The following ZFR variants were observed in gnomAD, a reference collection of about 807,000 sequenced individuals.
The protein encoded by ZFR is zinc finger RNA-binding protein.
In ZFR, 19 loss-of-function variants were observed where a neutral mutation model predicts 130.7. That is an observed-to-expected ratio of 0.15 (90% CI 0.10 to 0.21). ZFR has a LOEUF of 0.21. Ranked by LOEUF, ZFR falls within the 10% of genes least tolerant of loss-of-function variation. The probability of loss-of-function intolerance (pLI) is 1.00; values close to 1 mark genes in which losing one functional copy is unlikely to be tolerated. For missense variants in ZFR, 872 were observed against 1,321.5 expected (o/e 0.66, Z 5.27); for synonymous variants, 466 against 456.9 (o/e 1.02, Z -0.25).
chr5:32,366,880 A>T (rs1581678889), intron 17 of ZFR, among the ~76,000 whole-genome samples: 3 of 139,262 alleles, frequency 2.2e-5, no homozygotes, highest in African/African-American at 7.6e-5. Flanking sequence ...AAGATTTTTT[A>T]ATTTTTTTTT....
At chr5:32,408,418 A>C (rs191018399) in intron 5 of ZFR, among the ~76,000 whole-genome samples, 1 of 152,162 alleles carries the variant, frequency 6.6e-6, no homozygotes, top group East Asian at 1.9e-4. Context: ...TAATTCATAA[A>C]GTTACATTTC....
intron 2 of ZFR, among the ~76,000 whole-genome samples, 188 bp downstream of exon 2, chr5:32,444,041 C>T (rs1754536552): frequency 7.4e-6 from 1 of 134,626 alleles, no homozygotes; most frequent in African/African-American, 2.7e-5. Flanking sequence ...CGCCGCGGGC[C>T]GGGCCGGGCC....
At chr5:32,422,798 C>CAA (rs10693151) in intron 2 of ZFR, among the ~76,000 whole-genome samples, 444 of 23,988 alleles carry the variant, frequency 0.019, 36 homozygotes, top group Non-Finnish European at 0.023. Flanking sequence ...AAACCTGTCT[C>CAA]AAAAAAAAAA....
chr5:32,437,239 G>A (rs1378178986), intron 2 of ZFR, among the ~76,000 whole-genome samples: 1 of 152,014 alleles, frequency 6.6e-6, no homozygotes, highest in Non-Finnish European at 1.5e-5. Flanking sequence ...AATTATAATG[G>A]CATAGTTATT....
chr5:32,440,361 A>G (rs112339016), intron 2 of ZFR, among the ~76,000 whole-genome samples: 1,794 of 152,292 alleles, frequency 0.012, 33 homozygotes, highest in African/African-American at 0.042. Context: ...AAAAATGCAA[A>G]ACAAGGTTGG....
Position 32,406,814 on chromosome 5 carries a change from T to C in ZFR, c.992A>G (p.His331Arg). 3 of 1,613,792 alleles carry C rather than the reference T, an allele frequency of 1.9e-6. No individual in the cohort carries two copies. Among genetic ancestry groups the C allele is most frequent in the Non-Finnish European group, 2.5e-6 (3 of 1,179,934 alleles). Reference sequence around the variant, plus strand: ...GCTGATCTTACAAACATCACAATAGTGAATCTGTGGTGGTTTGGGAGGCTG... The same window carrying C: ...GCTGATCTTACAAACATCACAATAGCGAATCTGTGGTGGTTTGGGAGGCTG... The part of the protein sequence containing the change: ...PKQPPKPPQI[H>R]YCDVCKISCA... Residue 331 changes from histidine (H) to arginine (R), a missense_variant, in exon 6 of 20, where the codon CAC (histidine) becomes CGC (arginine). Around this residue, in one of 7 missense-constraint regions of ZFR, gnomAD observed 240 missense variants for 441.2 expected, o/e 0.54. Coordinates refer to ENST00000265069, the MANE Select transcript of ZFR (RefSeq NM_016107.5).
chr5:32,364,238 G>T lies in ZFR; in HGVS notation c.2873C>A (p.Ala958Asp), dbSNP rs996528914. 6.2e-7 allele frequency: 1 copy of T among 1,611,158 alleles called. No individual in the cohort carries two copies. The highest frequency in any genetic ancestry group is 8.5e-7 in the Non-Finnish European group (1 of 1,177,856). Residue 958 changes from alanine to aspartate, a missense_variant, in exon 18 of 20, where the codon GCT (alanine) becomes GAT (aspartate). This residue lies in a region of ZFR where 158 missense variants were observed against 264.0 expected (regional missense o/e 0.60). Transcript: ENST00000265069. ...ELLVEKAISSASSPQSPGDAL... is the reference protein window; with the variant it reads ...ELLVEKAISSDSSPQSPGDAL... ...ATCCCCAGGGCTCTGAGGGCTAGAA[G>T]CACTGCTGATTGCTTTCTCTACTAG...
rs561353002 is a variant in ZFR, at chr5:32,432,535, T to C, written c.137+11694A>G. ...TTTGTTGAGTTTTAAGAGTTCTTTATATATAGCTGGTCTCAAACTCCTGAG... is the reference window on the plus strand; with the variant it reads ...TTTGTTGAGTTTTAAGAGTTCTTTACATATAGCTGGTCTCAAACTCCTGAG... On this transcript the variant is annotated intron_variant, in intron 2 of 19. Coordinates refer to ENST00000265069, the MANE Select transcript of ZFR (RefSeq NM_016107.5). 1.2e-4 allele frequency among the ~76,000 whole-genome samples: 18 copies of C among 152,240 alleles called. No homozygotes were observed. In the South Asian group the frequency reaches 2.7e-3, roughly 23 times the overall value.
intron 8 of ZFR, among the ~76,000 whole-genome samples, chr5:32,401,071 A>G (rs1312394344): frequency 6.6e-6 from 1 of 152,214 alleles, no homozygotes; most frequent in East Asian, 1.9e-4. Flanking sequence ...AACCTCAGAA[A>G]CTGATGTAGA....
At chr5:32,356,116 CT>C (rs1752300731) in intron 19 of ZFR, among the ~76,000 whole-genome samples, 177 bp from the exon 20 acceptor site, 1 of 151,960 alleles carries the variant, frequency 6.6e-6, no homozygotes, top group Non-Finnish European at 1.5e-5. Flanking sequence ...TATTTCCTAG[CT>C]TTTCTGTGTG....
intron 2 of ZFR, among the ~76,000 whole-genome samples, chr5:32,422,298 A>T (rs2111828809): frequency 1.3e-5 from 2 of 152,284 alleles, no homozygotes; most frequent in South Asian, 4.1e-4. Flanking sequence ...CGGTGTAATT[A>T]TTACTTTTAG....
intron 17 of ZFR, among the ~76,000 whole-genome samples, chr5:32,371,446 G>A (rs935486273): frequency 3.3e-5 from 5 of 152,142 alleles, no homozygotes; most frequent in Admixed American, 2.0e-4. Context: ...AGAGGAAAAG[G>A]CCAGTGACAG....
intron 17 of ZFR, among the ~76,000 whole-genome samples, chr5:32,372,327 A>T (rs1056498704): frequency 1.3e-5 from 2 of 152,186 alleles, no homozygotes; most frequent in African/African-American, 4.8e-5. Context: ...TCACAGGTCA[A>T]TGTAGGTTCA....
At chr5:32,391,568 C>T (rs986131738) in intron 11 of ZFR, among the ~76,000 whole-genome samples, 3 of 150,922 alleles carry the variant, frequency 2.0e-5, no homozygotes, top group African/African-American at 7.3e-5. Context: ...CTCTGCCCTC[C>T]CAGTTCTTTC....
Position 32,438,253 on chromosome 5 carries a change from A to ATTTTTTTTTTTTTTTTTTT in ZFR, c.137+5957_137+5975dup, listed in dbSNP as rs869249272. 3.3e-4 allele frequency among the ~76,000 whole-genome samples: 20 copies of ATTTTTTTTTTTTTTTTTTT among 61,074 alleles called. 3 individuals are homozygous for ATTTTTTTTTTTTTTTTTTT. The highest frequency in any genetic ancestry group is 1.0e-3 in the African/African-American group (14 of 13,958). 40.1% of individuals were successfully genotyped at this position (61,074 alleles called of 152,430 possible). ...AGAATGCTACTGATTTTATCTGAAA[A>ATTTTTTTTTTTTTTTTTTT]TTTTTTTTTTTTTTTTTTTTTTTTT... On this transcript the variant is annotated intron_variant, in intron 2 of 19. Coordinates refer to ENST00000265069, the MANE Select transcript of ZFR (RefSeq NM_016107.5).
rs1753334735 is a variant in ZFR, at chr5:32,397,204, T to G, written c.1833+15A>C. On this transcript the variant is annotated intron_variant, in intron 10 of 19. Transcript: ENST00000265069. ...TTTTTGTTTTAAAGAAGGTAATAGC[T>G]GAAATTTTACTCACTTTATATTGAA... The G allele has an allele frequency of 1.3e-6, 2 of 1,582,618 alleles. No individual in the cohort carries two copies. The highest frequency in any genetic ancestry group is 2.4e-5 in the South Asian group (2 of 83,708).
intron 2 of ZFR, among the ~76,000 whole-genome samples, chr5:32,436,140 C>CTT (rs370998112): frequency 0.035 from 3,183 of 91,724 alleles, 847 homozygotes; most frequent in African/African-American, 0.085. Flanking sequence ...CAGTTGTATT[C>CTT]TTTTTTTTTT....
intron 2 of ZFR, among the ~76,000 whole-genome samples, chr5:32,435,855 T>C (rs1754320097): frequency 6.6e-6 from 1 of 152,226 alleles, no homozygotes; most frequent in Non-Finnish European, 1.5e-5. Flanking sequence ...AGCTCTTAAG[T>C]ATCTATGTGA....
chr5:32,401,372 A>G (rs1753445131), intron 8 of ZFR, among the ~76,000 whole-genome samples: 1 of 152,240 alleles, frequency 6.6e-6, no homozygotes, highest in Non-Finnish European at 1.5e-5. Flanking sequence ...GCGGAAATTT[A>G]GAAGGAGCCA....
Sources: allele counts gnomAD v4.1 joint callset (sites outside exome capture counted in the v4.1 genomes callset), GRCh38; gene constraint gnomAD v4.1.1; regional missense constraint gnomAD v4.1.1; transcripts MANE v1.5; gene names NCBI Gene and HGNC (gene_info 2026-07-23, HGNC 2026-07-21).